GRAMD1B: variants seen among roughly 807,000 people sequenced by gnomAD.
GRAMD1B encodes the protein GRAM domain containing 1B.
Under a neutral mutation model 99.7 loss-of-function variants are expected in GRAMD1B, and 37 were observed. That is an observed-to-expected ratio of 0.37 (90% CI 0.29 to 0.49). The LOEUF (loss-of-function observed/expected upper bound fraction) is 0.49, where lower values mean the gene tolerates loss of function less well. GRAMD1B is among the 20% of genes least tolerant of loss of function. The pLI, the probability that GRAMD1B is intolerant of heterozygous loss-of-function variation, is 0.98. For synonymous variants in GRAMD1B, 427 were observed against 387.6 expected (o/e 1.10, Z -1.19); for missense variants, 888 against 1,009.2 (o/e 0.88, Z 1.63).
intron 1 of GRAMD1B, among the ~76,000 whole-genome samples, chr11:123,387,035 C>A (rs751986712): frequency 6.6e-6 from 1 of 152,108 alleles, no homozygotes; most frequent in Non-Finnish European, 1.5e-5. Flanking sequence ...CCTGTTAGAC[C>A]ATGACTGCAG....
intron 2 of GRAMD1B, among the ~76,000 whole-genome samples, chr11:123,521,120 G>A (rs997128015): frequency 6.6e-6 from 1 of 152,178 alleles, no homozygotes. Flanking sequence ...ATTAGAGTAT[G>A]CAATCATCCA....
chr11:123,593,522 C>T (rs893155859), intron 4 of GRAMD1B, among the ~76,000 whole-genome samples: 1 of 152,080 alleles, frequency 6.6e-6, no homozygotes, highest in Non-Finnish European at 1.5e-5. Context: ...GGATGCCTCT[C>T]GTGTGCCCGT....
intron 1 of GRAMD1B, among the ~76,000 whole-genome samples, chr11:123,382,338 C>G (rs1235935996): frequency 2.0e-5 from 3 of 152,270 alleles, no homozygotes; most frequent in Non-Finnish European, 2.9e-5. Context: ...GCACTTCTCC[C>G]CACTTCTGTA....
chr11:123,514,951 G>A (rs1941534730), intron 2 of GRAMD1B, among the ~76,000 whole-genome samples: 3 of 152,206 alleles, frequency 2.0e-5, no homozygotes, highest in Admixed American at 2.0e-4. Flanking sequence ...TACTTGGCAG[G>A]TGATAGATGC....
chr11:123,625,912 A>G lies in GRAMD1B; in HGVS notation c.*3317A>G, dbSNP rs531718753. ...ATTAAAATTTATTCTTTAGGTGGCT[A>G]GGAGGGCTGGGGAGGCCCAGTGGAA... On this transcript the variant is annotated 3_prime_UTR_variant, in exon 20 of 20. Transcript: ENST00000635736. 5 of 129,566 alleles carry G rather than the reference A, an allele frequency of 3.9e-5. No individual in the cohort carries two copies. The highest frequency in any genetic ancestry group is 8.9e-5 in the African/African-American group (3 of 33,584). 8.0% of individuals were successfully genotyped at this position (129,566 alleles called of 1,614,324 possible). A position where few individuals can be genotyped will look rare whatever the true frequency, so the allele number is the denominator to read the frequency against.
chr11:123,471,399 G>A (rs559496010), intron 1 of GRAMD1B, among the ~76,000 whole-genome samples: 1 of 152,314 alleles, frequency 6.6e-6, no homozygotes, highest in African/African-American at 2.4e-5. Context: ...TTAGTACATA[G>A]TTGATGCTTG....
chr11:123,520,537 A>C (rs553448064), intron 2 of GRAMD1B, among the ~76,000 whole-genome samples: 1 of 152,236 alleles, frequency 6.6e-6, no homozygotes, highest in South Asian at 2.1e-4. Flanking sequence ...TTGAGAGACC[A>C]AGGCGGGTGG....
intron 2 of GRAMD1B, among the ~76,000 whole-genome samples, chr11:123,559,063 A>T (rs1000781739): frequency 6.6e-6 from 1 of 152,224 alleles, no homozygotes; most frequent in Non-Finnish European, 1.5e-5. Flanking sequence ...GGAAGATTCA[A>T]AGCATGAGAA....
rs1225997444 is a variant in GRAMD1B, at chr11:123,508,585, T to G, written c.452+27692T>G. Among the ~76,000 whole-genome samples, 3 of 152,346 alleles carry G rather than the reference T, an allele frequency of 2.0e-5. No homozygotes were observed. In the South Asian group the frequency reaches 6.2e-4, roughly 32 times the overall value. ...TGTGTTGTCAGTGTCATCAGTTTTTTGGGAAACTCTTTCCTAGTCTGTATT... is the reference window on the plus strand; with the variant it reads ...TGTGTTGTCAGTGTCATCAGTTTTTGGGGAAACTCTTTCCTAGTCTGTATT... On this transcript the variant is annotated intron_variant, in intron 2 of 19. Coordinates refer to ENST00000635736, the MANE Select transcript of GRAMD1B (RefSeq NM_001387025.1).
At chr11:123,514,996 G>T (rs1416192085) in intron 2 of GRAMD1B, among the ~76,000 whole-genome samples, 1 of 152,188 alleles carries the variant, frequency 6.6e-6, no homozygotes, top group Non-Finnish European at 1.5e-5. Context: ...AAATAGGAGA[G>T]GGTAACTGCA....
At chr11:123,385,953 G>C (rs1390060665) in intron 1 of GRAMD1B, among the ~76,000 whole-genome samples, 2 of 152,176 alleles carry the variant, frequency 1.3e-5, no homozygotes, top group African/African-American at 4.8e-5. Context: ...AGTGGCCAAA[G>C]GAGGGACGGG....
intron 1 of GRAMD1B, among the ~76,000 whole-genome samples, chr11:123,461,760 A>G (rs564316516): frequency 2.6e-5 from 4 of 151,892 alleles, no homozygotes; most frequent in African/African-American, 9.7e-5. Flanking sequence ...GTCCACCACC[A>G]CACTCGGCTA....
intron 1 of GRAMD1B, chr11:123,432,159 G>C (rs576756701): frequency 2.5e-6 from 1 of 398,038 alleles, no homozygotes; most frequent in Non-Finnish European, 4.4e-6. Context: ...TGTGAGCTCA[G>C]TCTAGTAACA....
intron 1 of GRAMD1B, among the ~76,000 whole-genome samples, chr11:123,413,417 G>A (rs572334003): frequency 2.5e-4 from 38 of 152,156 alleles, no homozygotes; most frequent in South Asian, 1.2e-3. Context: ...AACGTGTATC[G>A]GAGAGAGAAC....
At chr11:123,439,619 C>G (rs865869476) in intron 1 of GRAMD1B, among the ~76,000 whole-genome samples, 1 of 152,108 alleles carries the variant, frequency 6.6e-6, no homozygotes. Flanking sequence ...GATGAGACTC[C>G]GGTTCTCCAA....
At chr11:123,371,122 G>A (rs972215871) in intron 1 of GRAMD1B, among the ~76,000 whole-genome samples, 1 of 132,410 alleles carries the variant, frequency 7.6e-6, no homozygotes, top group African/African-American at 2.8e-5. Flanking sequence ...CGTGGCTTCA[G>A]CAGGATGCAT....
intron 1 of GRAMD1B, among the ~76,000 whole-genome samples, chr11:123,419,840 A>G (rs1050484558): frequency 2.6e-5 from 4 of 152,030 alleles, no homozygotes; most frequent in Admixed American, 6.5e-5. Flanking sequence ...TGCCTGAAGG[A>G]CATATGGGGC....
intron 2 of GRAMD1B, among the ~76,000 whole-genome samples, chr11:123,482,375 A>C (rs1377910702): frequency 1.3e-5 from 2 of 152,148 alleles, no homozygotes; most frequent in Non-Finnish European, 2.9e-5. Context: ...TGGGATTACA[A>C]GCGTGAGCCA....
intron 1 of GRAMD1B, among the ~76,000 whole-genome samples, chr11:123,479,380 C>G (rs1418866474): frequency 6.6e-6 from 1 of 152,140 alleles, no homozygotes; most frequent in African/African-American, 2.4e-5. Flanking sequence ...CAAGCACTTG[C>G]TCGGCAAGAT....
Sources: gnomAD v4.1 joint callset for allele counts (sites outside exome capture counted in the v4.1 genomes callset) on GRCh38, gnomAD v4.1.1 for gene constraint, MANE v1.5 for transcripts, NCBI Gene and HGNC (gene_info 2026-07-23, HGNC 2026-07-21) for gene names.